TENM2: variants seen among roughly 807,000 people sequenced by gnomAD.
TENM2 encodes the protein teneurin-2.
In TENM2, 52 loss-of-function variants were observed where a neutral mutation model predicts 245.2. The observed-to-expected ratio is 0.21, with a 90% CI of 0.17 to 0.27. TENM2 has a LOEUF of 0.27. Ranked by LOEUF, TENM2 falls within the 10% of genes least tolerant of loss-of-function variation. TENM2 has a pLI of 1.00. For missense variants in TENM2, 3,046 were observed against 3,666.8 expected (o/e 0.83, Z 4.37); for synonymous variants, 1,363 against 1,438.9 (o/e 0.95, Z 1.19).
chr5:167,476,758 C>A (rs1767412201), intron 2 of TENM2, among the ~76,000 whole-genome samples: 1 of 152,040 alleles, frequency 6.6e-6, no homozygotes, highest in Admixed American at 6.6e-5. Flanking sequence ...GCTGTCACGC[C>A]CAGCTAAATT....
At chr5:167,429,905 C>A (rs1025540126) in intron 2 of TENM2, among the ~76,000 whole-genome samples, 7 of 152,124 alleles carry the variant, frequency 4.6e-5, no homozygotes, top group African/African-American at 1.4e-4. Flanking sequence ...TCTTAAAATA[C>A]ATCATGTAAG....
chr5:167,292,886 G>T (rs1336765156), intron 1 of TENM2, among the ~76,000 whole-genome samples: 1 of 152,178 alleles, frequency 6.6e-6, no homozygotes, highest in Non-Finnish European at 1.5e-5. Flanking sequence ...TTGAGGGATG[G>T]GGAGGAGGTT....
At chr5:168,182,488 C>A (rs1287822746) in intron 13 of TENM2, among the ~76,000 whole-genome samples, 2 of 152,182 alleles carry the variant, frequency 1.3e-5, no homozygotes, top group Non-Finnish European at 2.9e-5. Context: ...GAAAACTGAG[C>A]CACAGGAATT....
chr5:167,162,658 A>T, the TENM2 span, among the ~76,000 whole-genome samples: 1 of 151,240 alleles, frequency 6.6e-6, no homozygotes, highest in African/African-American at 2.4e-5. Context: ...CAAAAAAAAA[A>T]CCTCCTTAGG....
chr5:168,009,046 G>A lies in TENM2; in HGVS notation c.1186+15864G>A, dbSNP rs147634884. ...TTGGGTAAAAACTAAACTCTAAAAG[G>A]CTAACAAAATTCCTCCATAACGTAG... On this transcript the variant is annotated intron_variant, in intron 5 of 28. Coordinates refer to ENST00000518659, the Ensembl canonical transcript of TENM2. 2.4e-3 allele frequency among the ~76,000 whole-genome samples: 369 copies of A among 152,256 alleles called. 1 individual carries two copies. Among genetic ancestry groups the A allele is most frequent in the African/African-American group, 8.5e-3 (352 of 41,548 alleles).
At chr5:167,046,418 G>C in the TENM2 span, among the ~76,000 whole-genome samples, 1 of 152,122 alleles carries the variant, frequency 6.6e-6, no homozygotes, top group East Asian at 1.9e-4. Flanking sequence ...AAACTTAAAG[G>C]TACAGTGCTT....
At chr5:167,111,494 G>A in the TENM2 span, among the ~76,000 whole-genome samples, 3 of 152,168 alleles carry the variant, frequency 2.0e-5, no homozygotes, top group African/African-American at 7.2e-5. Context: ...AGCACCTGTT[G>A]CGCAAAGAAA....
the TENM2 span, among the ~76,000 whole-genome samples, chr5:167,213,851 G>A: frequency 6.6e-6 from 1 of 152,160 alleles, no homozygotes; most frequent in African/African-American, 2.4e-5. Flanking sequence ...GAGGTCTTCA[G>A]GAATTGCAAT....
chr5:167,867,227 G>A (rs1772397749), intron 2 of TENM2, among the ~76,000 whole-genome samples: 1 of 152,160 alleles, frequency 6.6e-6, no homozygotes, highest in Admixed American at 6.5e-5. Flanking sequence ...GAAGATGAAA[G>A]GGCTAGCATT....
intron 2 of TENM2, among the ~76,000 whole-genome samples, chr5:167,521,342 C>T (rs1770741664): frequency 6.6e-6 from 1 of 152,022 alleles, no homozygotes; most frequent in South Asian, 2.1e-4. Flanking sequence ...ATTTTTAGCC[C>T]TTCTGCATAC....
chr5:167,600,624 A>G (rs969028778), intron 2 of TENM2, among the ~76,000 whole-genome samples: 3 of 152,216 alleles, frequency 2.0e-5, no homozygotes, highest in African/African-American at 7.2e-5. Context: ...CAAGGCAGAC[A>G]TAATGAAATG....
intron 2 of TENM2, among the ~76,000 whole-genome samples, chr5:167,636,755 A>G (rs1235652350): frequency 6.6e-6 from 1 of 152,240 alleles, no homozygotes; most frequent in African/African-American, 2.4e-5. Flanking sequence ...TGATAAGAAT[A>G]CCAATGATAT....
At chr5:168,076,200 TTTATTTTATTTTATTTTATTTTATTTTA>T (rs1381330055) in intron 7 of TENM2, among the ~76,000 whole-genome samples, 15 of 91,932 alleles carry the variant, frequency 1.6e-4, no homozygotes, top group Non-Finnish European at 3.2e-4. Flanking sequence ...TTTATTTTAT[TTTATTTTATTTTATTTTATTTTATTTTA>T]TTTTATTTTA....
intron 12 of TENM2, among the ~76,000 whole-genome samples, chr5:168,161,900 C>T (rs974417926): frequency 6.6e-6 from 1 of 152,052 alleles, no homozygotes; most frequent in Non-Finnish European, 1.5e-5. Flanking sequence ...CACCACCCTT[C>T]CCCGAGCACA....
At chr5:167,588,062 T>A (rs1244775271) in intron 2 of TENM2, among the ~76,000 whole-genome samples, 3 of 152,196 alleles carry the variant, frequency 2.0e-5, no homozygotes, top group Non-Finnish European at 4.4e-5. Context: ...ATCAGACCAT[T>A]TCAATCTGTT....
chr5:167,967,761 G>A (rs1781486580), intron 4 of TENM2, among the ~76,000 whole-genome samples: 1 of 152,170 alleles, frequency 6.6e-6, no homozygotes. Context: ...AGACTCTGGG[G>A]TTAAGTTCAC....
chr5:167,962,844 C>T (rs1396411417), intron 4 of TENM2, among the ~76,000 whole-genome samples: 2 of 152,140 alleles, frequency 1.3e-5, no homozygotes, highest in African/African-American at 4.8e-5. Context: ...TCCCATGACA[C>T]ATGGGAATTA....
chr5:167,630,558 G>A (rs1057052335), intron 2 of TENM2, among the ~76,000 whole-genome samples: 9 of 152,114 alleles, frequency 5.9e-5, no homozygotes, highest in African/African-American at 1.7e-4. Context: ...TGAAATTGCC[G>A]CAAATAAGGG....
intron 2 of TENM2, among the ~76,000 whole-genome samples, chr5:167,819,959 A>C (rs1028913679): frequency 3.3e-5 from 5 of 152,106 alleles, no homozygotes; most frequent in Admixed American, 6.5e-5. Flanking sequence ...ATTCTAAATC[A>C]ATCTTCCATG....
Sources: gnomAD v4.1 joint callset for allele counts (sites outside exome capture counted in the v4.1 genomes callset) on GRCh38, gnomAD v4.1.1 for gene constraint, MANE v1.5 for transcripts, NCBI Gene and HGNC (gene_info 2026-07-23, HGNC 2026-07-21) for gene names.